SCFD2: variants seen among roughly 807,000 people sequenced by gnomAD.
SCFD2 encodes sec1 family domain-containing protein 2.
Under a neutral mutation model 58.9 loss-of-function variants are expected in SCFD2, and 54 were observed. The observed-to-expected ratio is 0.92, with a 90% CI of 0.74 to 1.15. The LOEUF (loss-of-function observed/expected upper bound fraction) is 1.15, where lower values mean the gene tolerates loss of function less well. SCFD2 is among the 50% of genes most tolerant of loss of function. The pLI is 0.00. For missense variants in SCFD2, 805 were observed against 836.6 expected (o/e 0.96, Z 0.47); for synonymous variants, 321 against 335.9 (o/e 0.96, Z 0.49).
chr4:53,039,596 TTTA>T (rs1233230240), intron 5 of SCFD2, among the ~76,000 whole-genome samples: 1 of 152,158 alleles, frequency 6.6e-6, no homozygotes, highest in African/African-American at 2.4e-5. Flanking sequence ...TGGGCCTGAG[TTTA>T]GGCATATCTT....
chr4:53,229,876 A>AAAAACGAAAGGTTGTCCTCATGCT (rs1729371879), intron 4 of SCFD2, among the ~76,000 whole-genome samples: 1 of 152,218 alleles, frequency 6.6e-6, no homozygotes, highest in South Asian at 2.1e-4. Flanking sequence ...TATTCATCTG[A>AAAAACGAAAGGTTGTCCTCATGCT]CAAAGGGCTA....
chr4:53,292,329 T>G (rs899157390), intron 3 of SCFD2, among the ~76,000 whole-genome samples: 1 of 152,094 alleles, frequency 6.6e-6, no homozygotes. Context: ...ATACAGAGTC[T>G]ACAAGGATAT....
chr4:53,184,053 C>A (rs763224024), intron 4 of SCFD2, among the ~76,000 whole-genome samples: 12 of 152,170 alleles, frequency 7.9e-5, no homozygotes, highest in Non-Finnish European at 1.5e-4. Context: ...TAACCTACTC[C>A]TAGAAAAATA....
intron 3 of SCFD2, among the ~76,000 whole-genome samples, chr4:53,310,216 G>A (rs1732649476): frequency 6.6e-6 from 1 of 152,074 alleles, no homozygotes; most frequent in Admixed American, 6.6e-5. Context: ...AAATAATAAA[G>A]AAACAGAGGC....
chr4:53,190,490 T>G (rs1727860734), intron 4 of SCFD2, among the ~76,000 whole-genome samples: 1 of 149,650 alleles, frequency 6.7e-6, no homozygotes, highest in Admixed American at 6.6e-5. Flanking sequence ...TGTCCAAATG[T>G]CACCTTCTTA....
intron 5 of SCFD2, among the ~76,000 whole-genome samples, chr4:53,093,748 G>T (rs1724538079): frequency 1.1e-5 from 1 of 90,608 alleles, no homozygotes; most frequent in African/African-American, 5.5e-5. Flanking sequence ...ATTTTAAAAG[G>T]TAATAGAAAA....
At chr4:53,147,192 A>G (rs760264791) in intron 4 of SCFD2, among the ~76,000 whole-genome samples, 2 of 152,210 alleles carry the variant, frequency 1.3e-5, no homozygotes, top group Admixed American at 6.5e-5. Context: ...GAAAAGCTTT[A>G]TTGTGGATAC....
intron 4 of SCFD2, among the ~76,000 whole-genome samples, chr4:53,231,982 A>G (rs11721940): frequency 0.54 from 81,765 of 151,850 alleles, 22,235 homozygotes; most frequent in Middle Eastern, 0.62. Flanking sequence ...TATCAAAACC[A>G]ACGTTAAAGA....
chr4:53,213,843 C>T (rs1000276545), intron 4 of SCFD2, among the ~76,000 whole-genome samples: 2 of 152,034 alleles, frequency 1.3e-5, no homozygotes, highest in Non-Finnish European at 1.5e-5. Flanking sequence ...GTGTGATGTT[C>T]CGCTTCCTGT....
chr4:53,145,216 A>G, intron 5 of SCFD2, 117 bp downstream of exon 5: 1 of 1,303,132 alleles, frequency 7.7e-7, no homozygotes, highest in Admixed American at 2.1e-5. Flanking sequence ...AGGCCTCATG[A>G]AATTCCAAAC....
At chr4:52,887,896 C>CTTTTT (rs71195133) in intron 7 of SCFD2, among the ~76,000 whole-genome samples, 197 of 81,652 alleles carry the variant, frequency 2.4e-3, no homozygotes, top group Non-Finnish European at 2.7e-3. Context: ...ACATCTTATT[C>CTTTTT]TTTTTTTTTT....
chr4:53,194,966 T>G (rs1728018325), intron 4 of SCFD2, among the ~76,000 whole-genome samples: 1 of 152,204 alleles, frequency 6.6e-6, no homozygotes, highest in Non-Finnish European at 1.5e-5. Context: ...GATTGGACAT[T>G]AACAGGATTA....
chr4:52,936,703 C>T (rs1455244814), intron 5 of SCFD2, among the ~76,000 whole-genome samples: 1 of 152,186 alleles, frequency 6.6e-6, no homozygotes, highest in African/African-American at 2.4e-5. Context: ...ACTCTAGAAG[C>T]CAACTCCAGA....
chr4:53,020,729 GA>G (rs1242226898), intron 5 of SCFD2, among the ~76,000 whole-genome samples: 2 of 152,124 alleles, frequency 1.3e-5, no homozygotes, highest in Non-Finnish European at 2.9e-5. Context: ...GGGTACAAAT[GA>G]AATACACCAC....
chr4:52,901,821 T>G (rs1481729079), intron 7 of SCFD2, among the ~76,000 whole-genome samples: 1 of 152,254 alleles, frequency 6.6e-6, no homozygotes, highest in African/African-American at 2.4e-5. Flanking sequence ...TGCAATATGA[T>G]GCAAATGAAA....
intron 5 of SCFD2, among the ~76,000 whole-genome samples, chr4:53,028,049 C>G (rs1291191156): frequency 6.6e-6 from 1 of 151,912 alleles, no homozygotes; most frequent in African/African-American, 2.4e-5. Context: ...GAGTTTGAGA[C>G]CAGCCTGGAC....
chr4:53,251,624 G>GA (rs1052553608), intron 4 of SCFD2, among the ~76,000 whole-genome samples: 1 of 151,970 alleles, frequency 6.6e-6, no homozygotes, highest in Non-Finnish European at 1.5e-5. Context: ...CAGAACCAAA[G>GA]AAAAAAACCA....
chr4:52,982,833 T>G (rs1444972856), intron 5 of SCFD2, among the ~76,000 whole-genome samples: 1 of 152,092 alleles, frequency 6.6e-6, no homozygotes, highest in Non-Finnish European at 1.5e-5. Flanking sequence ...GGGGAAGAAA[T>G]AAAAACCTTT....
chr4:52,975,781 CA>C (rs1721242139), intron 5 of SCFD2, among the ~76,000 whole-genome samples: 1 of 152,162 alleles, frequency 6.6e-6, no homozygotes, highest in African/African-American at 2.4e-5. Flanking sequence ...CTCAAATGTC[CA>C]ACAATGATAG....
Sources: gnomAD v4.1 joint callset for allele counts (sites outside exome capture counted in the v4.1 genomes callset) on GRCh38, gnomAD v4.1.1 for gene constraint, MANE v1.5 for transcripts, NCBI Gene and HGNC (gene_info 2026-07-23, HGNC 2026-07-21) for gene names.